The following PRKG2 variants were observed in gnomAD, a reference collection of about 807,000 sequenced individuals.
PRKG2 encodes protein kinase cGMP-dependent 2.
Under a neutral mutation model 97.2 loss-of-function variants are expected in PRKG2, and 33 were observed. That is an observed-to-expected ratio of 0.34 (90% CI 0.26 to 0.45). The LOEUF is 0.45. Among genes scored for constraint, PRKG2 ranks in the 20% least tolerant of loss-of-function variants. The pLI, the probability that PRKG2 is intolerant of heterozygous loss-of-function variation, is 1.00. For missense variants in PRKG2, 638 were observed against 900.0 expected (o/e 0.71, Z 3.73); for synonymous variants, 330 against 321.8 (o/e 1.03, Z -0.27).
chr4:81,140,147 C>T (rs932177493), intron 12 of PRKG2, among the ~76,000 whole-genome samples: 1 of 151,832 alleles, frequency 6.6e-6, no homozygotes, highest in Admixed American at 6.6e-5. Context: ...GTTACCAGAG[C>T]CTGGGAAAGG....
At chr4:81,093,983 A>C (rs1359672199) in intron 17 of PRKG2, among the ~76,000 whole-genome samples, 1 of 152,222 alleles carries the variant, frequency 6.6e-6, no homozygotes, top group Non-Finnish European at 1.5e-5. Context: ...GGTCTCAGGC[A>C]TCAAAAAATG....
At chr4:81,159,552 G>A (rs989883498) in intron 6 of PRKG2, among the ~76,000 whole-genome samples, 1 of 152,198 alleles carries the variant, frequency 6.6e-6, no homozygotes, top group East Asian at 1.9e-4. Flanking sequence ...TCAGTGTGGC[G>A]ATTCCTCAGG....
chr4:81,165,534 T>C (rs1749906545), intron 6 of PRKG2, among the ~76,000 whole-genome samples: 1 of 152,078 alleles, frequency 6.6e-6, no homozygotes, highest in South Asian at 2.1e-4. Context: ...GTAAATCACA[T>C]GCATTTCTTA....
intron 4 of PRKG2, among the ~76,000 whole-genome samples, chr4:81,171,096 A>G (rs776519462): frequency 3.3e-5 from 5 of 151,970 alleles, no homozygotes; most frequent in Non-Finnish European, 7.4e-5. Context: ...GCTTTGCTGC[A>G]ACTATCAACT....
At chr4:81,089,869 T>C in intron 18 of PRKG2, 66 bp from the exon 19 acceptor site, 1 of 1,281,290 alleles carries the variant, frequency 7.8e-7, no homozygotes, top group South Asian at 1.3e-5. Flanking sequence ...CACATATGGG[T>C]AATGTTTTTT....
chr4:81,148,687 T>A (rs1748093940), intron 9 of PRKG2, among the ~76,000 whole-genome samples, 197 bp downstream of exon 9: 1 of 152,202 alleles, frequency 6.6e-6, no homozygotes, highest in African/African-American at 2.4e-5. Flanking sequence ...CCTTCCAGCA[T>A]CTGCCCCTGC....
At chr4:81,113,439 T>C (rs1744184608) in intron 14 of PRKG2, among the ~76,000 whole-genome samples, 1 of 152,098 alleles carries the variant, frequency 6.6e-6, no homozygotes, top group Admixed American at 6.5e-5. Context: ...GTACACAGGT[T>C]TGCCCTTGTC....
At chr4:81,127,698 T>A (rs1560560844) in intron 14 of PRKG2, among the ~76,000 whole-genome samples, 1 of 152,240 alleles carries the variant, frequency 6.6e-6, no homozygotes, top group Non-Finnish European at 1.5e-5. Flanking sequence ...GAGACTTTGC[T>A]GAAGTTGCTT....
At position 81,092,465 on chromosome 4, in the gene PRKG2, A is replaced by AAGGAAGGAAGGAAGG. The variant is rs374648052; in HGVS notation, c.2127-14_2127-13insCCTTCCTTCCTTCCT. On this transcript the variant is annotated splice_polypyrimidine_tract_variant and intron_variant, in intron 17 of 18. Coordinates refer to ENST00000264399, the MANE Select transcript of PRKG2 (RefSeq NM_006259.3). ...ACCATTTAACCACCTGAGAAATGAG[A>AAGGAAGGAAGGAAGG]AAGGAAGGAAGGAAGGAAGGAAGGA... The AAGGAAGGAAGGAAGG allele has an allele frequency of 1.1e-6, 1 of 906,984 alleles. No homozygotes were observed. The highest frequency in any genetic ancestry group is 2.1e-5 in the African/African-American group (1 of 48,226). 56.2% of individuals were successfully genotyped at this position (906,984 alleles called of 1,614,324 possible).
chr4:81,140,443 A>C, intron 12 of PRKG2, 90 bp downstream of exon 12: 1 of 1,194,734 alleles, frequency 8.4e-7, no homozygotes, highest in South Asian at 2.6e-5. Flanking sequence ...TACCCACAAA[A>C]ATTAAAAATA....
intron 5 of PRKG2, among the ~76,000 whole-genome samples, chr4:81,168,173 C>A (rs1750154030): frequency 6.6e-6 from 1 of 152,000 alleles, no homozygotes; most frequent in African/African-American, 2.4e-5. Context: ...TACTTCTGGT[C>A]CAAACAGGCA....
intron 18 of PRKG2, among the ~76,000 whole-genome samples, chr4:81,091,159 A>C (rs1741490321): frequency 6.6e-6 from 1 of 152,214 alleles, no homozygotes; most frequent in South Asian, 2.1e-4. Context: ...ATATGATGAA[A>C]AGGAGTGATA....
intron 12 of PRKG2, among the ~76,000 whole-genome samples, chr4:81,140,308 AT>A (rs1289683301): frequency 2.0e-5 from 3 of 152,180 alleles, no homozygotes; most frequent in African/African-American, 7.2e-5. Context: ...GTATAAGTAG[AT>A]TGTTTGTAAC....
At chr4:81,187,396 G>A (rs1204433226) in intron 2 of PRKG2, among the ~76,000 whole-genome samples, 1 of 152,126 alleles carries the variant, frequency 6.6e-6, no homozygotes, top group African/African-American at 2.4e-5. Context: ...CTCAATAGAT[G>A]CAGAAAAGGA....
intron 1 of PRKG2, among the ~76,000 whole-genome samples, chr4:81,211,248 T>C (rs1753956610): frequency 6.6e-6 from 1 of 152,148 alleles, no homozygotes; most frequent in African/African-American, 2.4e-5. Flanking sequence ...ACCATACTGA[T>C]GAAAGATGTT....
intron 15 of PRKG2, among the ~76,000 whole-genome samples, chr4:81,109,260 A>C (rs957217889): frequency 6.6e-6 from 1 of 152,238 alleles, no homozygotes; most frequent in African/African-American, 2.4e-5. Context: ...TGTAGCGTAG[A>C]AAGTTCAAGA....
chr4:81,135,265 A>G lies in PRKG2; in HGVS notation c.1666T>C (p.Cys556Arg). 1 of 1,613,276 alleles carries G rather than the reference A, an allele frequency of 6.2e-7. No individual in the cohort carries two copies. Among genetic ancestry groups the G allele is most frequent in the Non-Finnish European group, 8.5e-7 (1 of 1,179,544 alleles). ...AATGCTTCTGTCACACAAGCAACGC[A>G]GAATTTGGAGGTGGGTTCATCAAAG... is the stretch of plus-strand genomic sequence containing the variant. ...GSFDEPTSKF[C>R]VACVTEAFDY... Residue 556 changes from cysteine to arginine, a missense_variant, in exon 14 of 19, where the codon TGC becomes CGC. Physicochemically the swap from Cys to Arg is radical, Grantham distance 180. Coordinates refer to ENST00000264399, the MANE Select transcript of PRKG2 (RefSeq NM_006259.3).
At chr4:81,108,654 G>A (rs1231162402) in intron 15 of PRKG2, among the ~76,000 whole-genome samples, 1 of 151,940 alleles carries the variant, frequency 6.6e-6, no homozygotes, top group East Asian at 1.9e-4. Flanking sequence ...CAGCACTTTT[G>A]GAAGCTGAGA....
chr4:81,123,822 G>T (rs1379055423), intron 14 of PRKG2, among the ~76,000 whole-genome samples: 1 of 151,826 alleles, frequency 6.6e-6, no homozygotes, highest in African/African-American at 2.4e-5. Flanking sequence ...GATTATTTTT[G>T]GATTTTCTGT....
Sources: allele counts gnomAD v4.1 joint callset (sites outside exome capture counted in the v4.1 genomes callset), GRCh38; gene constraint gnomAD v4.1.1; transcripts MANE v1.5; gene names NCBI Gene and HGNC (gene_info 2026-07-23, HGNC 2026-07-21).